DPP6: variants seen among roughly 807,000 people sequenced by gnomAD.
The protein encoded by DPP6 is dipeptidyl peptidase like 6, also known as A-type potassium channel modulatory protein DPP6.
DPP6 carries 69 observed loss-of-function variants against 122.6 expected under a neutral mutation model. The ratio of observed to expected loss-of-function variants is 0.56; its 90% CI spans 0.46 to 0.69. DPP6 has a LOEUF of 0.69. Among genes scored for constraint, DPP6 ranks in the 30% least tolerant of loss-of-function variants. The pLI, the probability that DPP6 is intolerant of heterozygous loss-of-function variation, is 0.00. For synonymous variants in DPP6, 418 were observed against 433.1 expected, an observed-to-expected ratio of 0.97 and a Z score of 0.43; for missense variants, 928 against 1,116.9, an observed-to-expected ratio of 0.83 and a Z score of 2.41.
chr7:154,354,985 T>G (rs1477793153), intron 1 of DPP6, among the ~76,000 whole-genome samples: 1 of 152,172 alleles, frequency 6.6e-6, no homozygotes, highest in African/African-American at 2.4e-5. Flanking sequence ...CAGAATGTCA[T>G]TTTCTTTACA....
chr7:153,762,487 C>T, the DPP6 span, among the ~76,000 whole-genome samples: 22 of 152,058 alleles, frequency 1.4e-4, no homozygotes, highest in Non-Finnish European at 2.5e-4. Context: ...TAAGACTCTA[C>T]CCGCCTGGCG....
At chr7:154,572,614 T>G (rs566974021) in intron 5 of DPP6, among the ~76,000 whole-genome samples, 76 of 148,788 alleles carry the variant, frequency 5.1e-4, no homozygotes, top group African/African-American at 1.8e-3. Context: ...CATCCCAGGT[T>G]CAAGAGATTC....
intron 1 of DPP6, among the ~76,000 whole-genome samples, chr7:154,151,420 C>T (rs73729286): frequency 0.013 from 2,017 of 152,052 alleles, 44 homozygotes; most frequent in African/African-American, 0.046. Flanking sequence ...AGCCTGTGAC[C>T]AGCAATACTG....
intron 1 of DPP6, among the ~76,000 whole-genome samples, chr7:154,004,388 C>G (rs934791977): frequency 1.3e-5 from 2 of 152,048 alleles, no homozygotes; most frequent in Non-Finnish European, 2.9e-5. Flanking sequence ...CTCGTAAACT[C>G]CAGATTAATT....
At chr7:154,362,106 G>A (rs1811777325) in intron 1 of DPP6, among the ~76,000 whole-genome samples, 1 of 152,212 alleles carries the variant, frequency 6.6e-6, no homozygotes, top group African/African-American at 2.4e-5. Context: ...GGGAGGTTGT[G>A]CTACAGCCTT....
chr7:154,204,371 C>G (rs1300705261), intron 1 of DPP6, among the ~76,000 whole-genome samples: 1 of 152,208 alleles, frequency 6.6e-6, no homozygotes, highest in African/African-American at 2.4e-5. Flanking sequence ...ATCTCATCCT[C>G]TTTGTGGCAC....
intron 1 of DPP6, among the ~76,000 whole-genome samples, chr7:153,956,124 A>G (rs1332557006): frequency 6.6e-6 from 1 of 152,218 alleles, no homozygotes; most frequent in Non-Finnish European, 1.5e-5. Flanking sequence ...TAGACCCAAT[A>G]CAACCTGGTG....
intron 1 of DPP6, among the ~76,000 whole-genome samples, chr7:153,966,326 TGG>T (rs1795717696): frequency 6.6e-6 from 1 of 151,252 alleles, no homozygotes; most frequent in Non-Finnish European, 1.5e-5. Flanking sequence ...TAAATGGGCC[TGG>T]TGTTTGTGAC....
At chr7:154,225,080 T>G (rs1222166387) in intron 1 of DPP6, among the ~76,000 whole-genome samples, 2 of 152,086 alleles carry the variant, frequency 1.3e-5, no homozygotes, top group Non-Finnish European at 2.9e-5. Context: ...AGGTGAAGGT[T>G]GCAGTGAGCC....
At chr7:154,698,469 C>T (rs183908701) in intron 7 of DPP6, among the ~76,000 whole-genome samples, 111 of 152,222 alleles carry the variant, frequency 7.3e-4, no homozygotes, top group African/African-American at 2.6e-3. Context: ...CCATGCTCAC[C>T]AGCATCAGGT....
At chr7:153,803,864 T>TACACACAC in the DPP6 span, among the ~76,000 whole-genome samples, 27 of 149,746 alleles carry the variant, frequency 1.8e-4, no homozygotes, top group African/African-American at 4.5e-4. Context: ...CATATATATA[T>TACACACAC]ACACACAAGG....
At chr7:153,787,458 A>G in the DPP6 span, among the ~76,000 whole-genome samples, 1 of 141,012 alleles carries the variant, frequency 7.1e-6, no homozygotes, top group South Asian at 2.5e-4. Context: ...TTATACATTA[A>G]CATGTAAAAA....
intron 1 of DPP6, among the ~76,000 whole-genome samples, chr7:153,944,143 G>T (rs6948322): frequency 0.018 from 2,816 of 152,262 alleles, 95 homozygotes; most frequent in African/African-American, 0.064. Context: ...CCTGGAGCAC[G>T]AGCCTCGTTA....
intron 1 of DPP6, among the ~76,000 whole-genome samples, chr7:153,895,728 G>GCACACACACACACACACACA (rs10599371): frequency 6.7e-6 from 1 of 149,832 alleles, no homozygotes; most frequent in Non-Finnish European, 1.5e-5. Context: ...GTGCATGCGT[G>GCACACACACACACACACACA]CACACACACA....
intron 1 of DPP6, among the ~76,000 whole-genome samples, chr7:154,085,000 A>AAC (rs1804291122): frequency 6.6e-6 from 1 of 151,516 alleles, no homozygotes; most frequent in African/African-American, 2.4e-5. Flanking sequence ...AAAAAAAAAA[A>AAC]AAAAAAAAAA....
intron 1 of DPP6, among the ~76,000 whole-genome samples, chr7:154,418,454 G>A (rs552160962): frequency 1.9e-4 from 29 of 152,300 alleles, no homozygotes; most frequent in Admixed American, 8.5e-4. Context: ...GAATGCAAGC[G>A]TTTCTTGAGT....
At chr7:153,764,643 A>C in the DPP6 span, among the ~76,000 whole-genome samples, 4 of 151,560 alleles carry the variant, frequency 2.6e-5, no homozygotes, top group African/African-American at 9.7e-5. Flanking sequence ...AGAATGTTGG[A>C]AGATGGCTTT....
At chr7:153,840,268 A>G in the DPP6 span, among the ~76,000 whole-genome samples, 1 of 152,216 alleles carries the variant, frequency 6.6e-6, no homozygotes, top group African/African-American at 2.4e-5. Context: ...CATACTGTGC[A>G]GCAACTCTCA....
chr7:154,239,769 T>C (rs1362042522), intron 1 of DPP6, among the ~76,000 whole-genome samples: 2 of 150,694 alleles, frequency 1.3e-5, no homozygotes, highest in African/African-American at 4.9e-5. Context: ...AGTCAGGAGT[T>C]TGAGACCAGC....
Sources: allele counts gnomAD v4.1 joint callset (sites outside exome capture counted in the v4.1 genomes callset), GRCh38; gene constraint gnomAD v4.1.1; transcripts MANE v1.5; gene names NCBI Gene and HGNC (gene_info 2026-07-23, HGNC 2026-07-21).